Variants in GALNT17 observed in about 807,000 individuals in gnomAD.
GALNT17 encodes polypeptide N-acetylgalactosaminyltransferase 17.
GALNT17 carries 29 observed loss-of-function variants against 63.7 expected under a neutral mutation model. The ratio of observed to expected loss-of-function variants is 0.46; its 90% CI spans 0.34 to 0.62. The LOEUF is 0.62. GALNT17 is among the 20% of genes least tolerant of loss of function. The pLI is 0.01. For synonymous variants in GALNT17, 305 were observed against 318.3 expected, an observed-to-expected ratio of 0.96 and a Z score of 0.45; for missense variants, 603 against 799.6, an observed-to-expected ratio of 0.75 and a Z score of 2.97.
At chr7:71,181,030 G>A (rs982366657) in intron 1 of GALNT17, among the ~76,000 whole-genome samples, 4 of 152,094 alleles carry the variant, frequency 2.6e-5, no homozygotes, top group South Asian at 4.1e-4. Flanking sequence ...CGAGGCAGGC[G>A]GATCACTTGA....
At chr7:71,186,626 A>G (rs1275652131) in intron 1 of GALNT17, among the ~76,000 whole-genome samples, 6 of 152,326 alleles carry the variant, frequency 3.9e-5, no homozygotes, top group Non-Finnish European at 5.9e-5. Context: ...ATTGCCCTTC[A>G]TAAGCTGATC....
At chr7:71,606,725 C>T (rs1390452958) in intron 6 of GALNT17, among the ~76,000 whole-genome samples, 2 of 152,170 alleles carry the variant, frequency 1.3e-5, no homozygotes, top group African/African-American at 4.8e-5. Context: ...CAGCATTAGC[C>T]ATCATCAAGT....
chr7:71,321,644 G>T (rs535472616), intron 1 of GALNT17, among the ~76,000 whole-genome samples: 1 of 104,606 alleles, frequency 9.6e-6, no homozygotes, highest in Non-Finnish European at 1.8e-5. Flanking sequence ...GTCTTGCTCT[G>T]TCACGCAGGC....
At chr7:71,558,865 G>T (rs1789207199) in intron 5 of GALNT17, among the ~76,000 whole-genome samples, 1 of 152,172 alleles carries the variant, frequency 6.6e-6, no homozygotes, top group Admixed American at 6.5e-5. Flanking sequence ...AGTCAGCCAA[G>T]GAAATGAGTT....
At chr7:71,285,544 T>C (rs1790858005) in intron 1 of GALNT17, among the ~76,000 whole-genome samples, 1 of 152,218 alleles carries the variant, frequency 6.6e-6, no homozygotes, top group African/African-American at 2.4e-5. Context: ...CCAAAATTCA[T>C]ATGTTGAAAT....
intron 6 of GALNT17, among the ~76,000 whole-genome samples, chr7:71,636,211 G>A (rs893662418): frequency 7.9e-5 from 12 of 152,176 alleles, no homozygotes; most frequent in Admixed American, 7.9e-4. Flanking sequence ...TTTGAAATGT[G>A]CAATACATTG....
chr7:71,267,851 C>A (rs1380027668), intron 1 of GALNT17, among the ~76,000 whole-genome samples: 9 of 149,032 alleles, frequency 6.0e-5, no homozygotes, highest in East Asian at 6.0e-4. Flanking sequence ...TCCCTCCCCC[C>A]ACCTGCCCCC....
intron 6 of GALNT17, among the ~76,000 whole-genome samples, chr7:71,655,487 C>T (rs1790816081): frequency 6.6e-6 from 1 of 152,164 alleles, no homozygotes. Flanking sequence ...CTGCGGTCTG[C>T]TGTTTTCTGT....
Position 71,569,161 on chromosome 7 carries a change from G to C in GALNT17, c.963-2124G>C, listed in dbSNP as rs568921716. On this transcript the variant is annotated intron_variant, in intron 5 of 10. Transcript: ENST00000333538. Reference sequence around the variant, plus strand: ...TAATTTTTTTATCTTTAGTAGAGACGGGGTTTCACCATGTTGGCCAGGATG... The same window carrying C: ...TAATTTTTTTATCTTTAGTAGAGACCGGGTTTCACCATGTTGGCCAGGATG... 1.1e-3 allele frequency among the ~76,000 whole-genome samples: 173 copies of C among 152,148 alleles called. 1 individual carries two copies. Among genetic ancestry groups the C allele is most frequent in the Middle Eastern group, 3.4e-3 (1 of 294 alleles).
chr7:71,528,009 A>G (rs73181324), intron 5 of GALNT17, among the ~76,000 whole-genome samples: 29,594 of 152,088 alleles, frequency 0.19, 2,965 homozygotes, highest in Middle Eastern at 0.32. Flanking sequence ...TGTCAACCCA[A>G]AGGGTCTTGG....
At chr7:71,480,269 G>A (rs756617850) in intron 5 of GALNT17, among the ~76,000 whole-genome samples, 2 of 140,390 alleles carry the variant, frequency 1.4e-5, no homozygotes, top group Admixed American at 7.8e-5. Context: ...GGGTTCAAGC[G>A]ATTCTCCTGT....
chr7:71,141,936 A>G (rs1787902221), intron 1 of GALNT17, among the ~76,000 whole-genome samples: 1 of 121,384 alleles, frequency 8.2e-6, no homozygotes, highest in African/African-American at 3.4e-5. Context: ...CTGGTCTTGA[A>G]CTCCTGACCT....
At chr7:71,202,339 A>T (rs1468495153) in intron 1 of GALNT17, among the ~76,000 whole-genome samples, 10 of 152,194 alleles carry the variant, frequency 6.6e-5, no homozygotes. Flanking sequence ...ACCCACAGTC[A>T]TCCATAACAG....
intron 6 of GALNT17, among the ~76,000 whole-genome samples, chr7:71,622,377 A>C (rs4719154): frequency 0.96 from 146,642 of 152,228 alleles, 70,863 homozygotes; most frequent in East Asian, 1. Context: ...GACACAGAAG[A>C]CTTTAAGACT....
intron 8 of GALNT17, among the ~76,000 whole-genome samples, chr7:71,670,778 C>T (rs931293427): frequency 2.6e-5 from 4 of 152,064 alleles, no homozygotes; most frequent in African/African-American, 4.8e-5. Context: ...AATTATCTAA[C>T]TTACCTAAGG....
chr7:71,208,047 C>T (rs1197326999), intron 1 of GALNT17, among the ~76,000 whole-genome samples: 12 of 151,860 alleles, frequency 7.9e-5, no homozygotes, highest in Admixed American at 7.9e-4. Flanking sequence ...GTGATCCTCC[C>T]ACCTCGGCCT....
intron 1 of GALNT17, among the ~76,000 whole-genome samples, chr7:71,206,382 A>G (rs988508286): frequency 2.0e-5 from 3 of 152,094 alleles, no homozygotes; most frequent in Non-Finnish European, 1.5e-5. Context: ...TAGTGTCATG[A>G]TTCATGATCT....
At chr7:71,532,269 A>G (rs1354265053) in intron 5 of GALNT17, among the ~76,000 whole-genome samples, 1 of 152,164 alleles carries the variant, frequency 6.6e-6, no homozygotes, top group African/African-American at 2.4e-5. Context: ...TCTAATCAGA[A>G]GCTAATCACA....
At position 71,288,741 on chromosome 7, in the gene GALNT17, C is replaced by G. The variant is rs574517492; in HGVS notation, c.239-46809C>G. Among the ~76,000 whole-genome samples the G allele has an allele frequency of 1.5e-4, 23 of 152,058 alleles. No homozygotes were observed. The South Asian group carries it at 2.9e-3, about 19-fold the overall frequency. ...GTTCATCTGGAAATCCAGAGGGTCCCAGAACTGGGTCAGGGCAGCACACAT... is the reference window on the plus strand; with the variant it reads ...GTTCATCTGGAAATCCAGAGGGTCCGAGAACTGGGTCAGGGCAGCACACAT... On this transcript the variant is annotated intron_variant, in intron 1 of 10. Transcript: ENST00000333538.
Sources: gnomAD v4.1 joint callset for allele counts (sites outside exome capture counted in the v4.1 genomes callset) on GRCh38, gnomAD v4.1.1 for gene constraint, MANE v1.5 for transcripts, NCBI Gene and HGNC (gene_info 2026-07-23, HGNC 2026-07-21) for gene names.